Variants in ABCA7 observed in about 807,000 individuals in gnomAD.
ABCA7 encodes the protein ATP binding cassette subfamily A member 7.
Under a neutral mutation model 227.6 loss-of-function variants are expected in ABCA7, and 261 were observed. That is an observed-to-expected ratio of 1.15 (90% CI 1.04 to 1.27). The LOEUF (loss-of-function observed/expected upper bound fraction) is 1.27, where lower values mean the gene tolerates loss of function less well. Ranked by LOEUF, ABCA7 falls within the 50% of genes most tolerant of loss-of-function variation. ABCA7 has a pLI of 0.00. For missense variants in ABCA7, 3,331 were observed against 2,924.5 expected (o/e 1.14, Z -3.21); for synonymous variants, 1,488 against 1,279.7 (o/e 1.16, Z -3.47).
Position 1,052,253 on chromosome 19 carries a change from G to A in ABCA7, c.3187G>A (p.Glu1063Lys), listed in dbSNP as rs758401262. ...GGAGGGCAGTGTGGACACCAGGCAG[G>A]AAAAGAAGAATGGCAGCCAGGGCAG... The part of the protein sequence containing the change: ...DMEGSVDTRQ[E>K]KKNGSQGSRV... The change falls in exon 23 of 47, where the codon GAA (glutamate) becomes AAA (lysine). Residue 1063 changes from glutamate to lysine, a missense_variant. Transcript: ENST00000263094. 135 of 1,552,882 alleles carry A rather than the reference G, an allele frequency of 8.7e-5. No individual in the cohort carries two copies. Among genetic ancestry groups the A allele is most frequent in the South Asian group, 2.4e-4 (20 of 84,816 alleles).
At chr19:1,041,194 G>C (rs2039999891) in intron 1 of ABCA7, 31 bp from the exon 2 acceptor site, 2 of 713,752 alleles carry the variant, frequency 2.8e-6, no homozygotes, top group Non-Finnish European at 4.9e-6. Context: ...CCTCTTTATC[G>C]AGTGACTACT....
rs754392161 is a variant in ABCA7, at chr19:1,058,644, C to T, written c.5176C>T (p.Arg1726Cys). ...AGACAGGCAGTTCCAGTCACCCCTG[C>T]GCTGGGAGGTGGTCGGCAAGAACCT... Reference protein sequence around the residue: ...LGDRQFQSPLRWEVVGKNLLA... With the variant: ...LGDRQFQSPLCWEVVGKNLLA... The change falls in exon 38 of 47, where the codon CGC becomes TGC. Residue 1726 changes from arginine (R) to cysteine (C), a missense_variant. Arg to Cys is a radical substitution (Grantham distance 180). Coordinates refer to ENST00000263094, the MANE Select transcript of ABCA7 (RefSeq NM_019112.4). The T allele has an allele frequency of 3.2e-5, 52 of 1,613,810 alleles. No homozygotes were observed. The highest frequency in any genetic ancestry group is 3.3e-4 in the Middle Eastern group (2 of 6,080).
In ABCA7 at chr19:1,042,341, C is replaced by T. The variant is rs763834831; in HGVS notation, c.442C>T (p.Pro148Ser). ...CCAGCCTCAACCAACCAAGCAGTCT[C>T]CACTGGAACCACCCATGCTGGATGT... ...TAQPQPTKQSPLEPPMLDVAE... is the reference protein window; with the variant it reads ...TAQPQPTKQSSLEPPMLDVAE... Residue 148 changes from proline (P) to serine (S), a missense_variant, in exon 6 of 47, where the codon CCA (proline) becomes TCA (serine). Physicochemically the swap from Pro to Ser is moderately conservative, Grantham distance 74. Transcript: ENST00000263094. The T allele has an allele frequency of 3.8e-6, 6 of 1,591,072 alleles. No homozygotes were observed. The highest frequency in any genetic ancestry group is 3.4e-5 in the Admixed American group (2 of 59,236).
chr19:1,052,052 C>A lies in ABCA7; in HGVS notation c.3073C>A (p.Leu1025Met). 2 of 1,612,332 alleles carry A rather than the reference C, an allele frequency of 1.2e-6. No individual in the cohort carries two copies. Among genetic ancestry groups the A allele is most frequent in the East Asian group, 4.5e-5 (2 of 44,844 alleles). ...RLCCCGSPLF[L>M]RRHLGSGYYL... ...GTGCTGCTGTGGCTCCCCACTCTTC[C>A]TGCGCCGTCACCTGGGCTCCGGCTA... Residue 1025 changes from leucine (L) to methionine (M), a missense_variant, in exon 22 of 47, where the codon CTG (leucine) becomes ATG (methionine). Leu to Met is a conservative substitution (Grantham distance 15, BLOSUM62 2). Coordinates refer to ENST00000263094, the MANE Select transcript of ABCA7 (RefSeq NM_019112.4).
chr19:1,044,942 C>A, intron 11 of ABCA7, 60 bp from the exon 12 acceptor site: 1 of 1,575,596 alleles, frequency 6.3e-7, no homozygotes. Context: ...GGGGGAGGAG[C>A]GGAGTGGTCT....
rs546387100 is a variant in ABCA7, at chr19:1,047,583, T to C, written c.2198T>C (p.Val733Ala). ...PTADVFSLAQVSGLLLLDAAL... is the reference protein window; with the variant it reads ...PTADVFSLAQASGLLLLDAAL... ...GCAGACGTCTTCAGCCTGGCCCAGG[T>C]CTCTGGCCTTCTGCTGCTGGACGCG... Residue 733 changes from valine to alanine, a missense_variant, in exon 16 of 47, where the codon GTC becomes GCC. Val to Ala is a moderately conservative substitution (Grantham distance 64, BLOSUM62 0). Coordinates refer to ENST00000263094, the MANE Select transcript of ABCA7 (RefSeq NM_019112.4). 4.4e-6 allele frequency: 7 copies of C among 1,603,324 alleles called. No individual in the cohort carries two copies. The Admixed American group carries it at 8.3e-5, about 19-fold the overall frequency.
At chr19:1,051,810 G>A (rs1442875943) in intron 21 of ABCA7, 132 bp from the exon 22 acceptor site, 4 of 1,296,160 alleles carry the variant, frequency 3.1e-6, no homozygotes, top group African/African-American at 1.5e-5. Context: ...CCAACAAGGA[G>A]GTTCTGGGGA....
chr19:1,052,698 G>C, intron 23 of ABCA7, among the ~76,000 whole-genome samples: 2 of 131,592 alleles, frequency 1.5e-5, no homozygotes, highest in Non-Finnish European at 1.7e-5. Flanking sequence ...GGAGGGAGAG[G>C]AGGAGGAGGG....
At chr19:1,041,059 G>A in intron 1 of ABCA7, 166 bp from the exon 2 acceptor site, 1 of 484,242 alleles carries the variant, frequency 2.1e-6, no homozygotes, top group South Asian at 2.5e-5. Flanking sequence ...TGGAGGATTA[G>A]AGGATGATCT....
intron 22 of ABCA7, 33 bp downstream of exon 22, chr19:1,052,159 C>A (rs780313474): frequency 6.2e-7 from 1 of 1,609,420 alleles, no homozygotes; most frequent in Admixed American, 1.7e-5. Flanking sequence ...CCCCTGACCC[C>A]CGGGACTCTG....
chr19:1,064,896 G>A lies in ABCA7; in HGVS notation c.6045-35G>A. ...TGAGCTGAGGTGGGACCTGGGAAAG[G>A]CCCGATCCGGTAGCCCTGGCCCCAC... On this transcript the variant is annotated intron_variant, in intron 45 of 46. Coordinates refer to ENST00000263094, the MANE Select transcript of ABCA7 (RefSeq NM_019112.4). 1.9e-6 allele frequency: 3 copies of A among 1,546,260 alleles called. No individual in the cohort carries two copies. The African/African-American group carries it at 4.1e-5, about 21-fold the overall frequency.
At chr19:1,059,110 T>C in intron 40 of ABCA7, 25 bp downstream of exon 40, 2 of 1,607,490 alleles carry the variant, frequency 1.2e-6, no homozygotes, top group Non-Finnish European at 1.7e-6. Flanking sequence ...GGAGGCCAGG[T>C]GCAGGGACAG....
In ABCA7 at chr19:1,055,144, G is replaced by A. The variant is rs1182920733; in HGVS notation, c.3998G>A (p.Ser1333Asn). The A allele has an allele frequency of 6.2e-7, 1 of 1,612,994 alleles. No homozygotes were observed. The highest frequency in any genetic ancestry group is 1.1e-5 in the South Asian group (1 of 91,076). Residue 1333 changes from serine to asparagine, a missense_variant, in exon 30 of 47, where the codon AGT becomes AAT. Transcript: ENST00000263094. ...GCTGAAGTGGCCAAGGTCTTGGCCA[G>A]TGGCAACTGGACCCCAGAGTCTCCA... Reference protein sequence around the residue: ...VPAEVAKVLASGNWTPESPSP... With the variant: ...VPAEVAKVLANGNWTPESPSP...
intron 6 of ABCA7, 166 bp downstream of exon 6, chr19:1,042,563 C>G (rs774294757): frequency 2.9e-6 from 3 of 1,040,636 alleles, no homozygotes; most frequent in African/African-American, 3.2e-5. Context: ...CAGAGTGTGT[C>G]TGACCCAGTG....
At position 1,065,547 on chromosome 19, in the gene ABCA7, G is replaced by C. The variant is rs928973271; in HGVS notation, c.*122G>C. Reference sequence around the variant, plus strand: ...GTGCCCTGGAGAAAATAAAGAGAAGGCTGGAGAGAAGCCGTGGTGGTGAAA... The same window carrying C: ...GTGCCCTGGAGAAAATAAAGAGAAGCCTGGAGAGAAGCCGTGGTGGTGAAA... On this transcript the variant is annotated 3_prime_UTR_variant, in exon 47 of 47. Coordinates refer to ENST00000263094, the MANE Select transcript of ABCA7 (RefSeq NM_019112.4). 7 of 1,227,742 alleles carry C rather than the reference G, an allele frequency of 5.7e-6. No individual in the cohort carries two copies. The highest frequency in any genetic ancestry group is 4.5e-5 in the African/African-American group (3 of 65,984). 76.1% of individuals were successfully genotyped at this position (1,227,742 alleles called of 1,614,324 possible).
intron 42 of ABCA7, 125 bp downstream of exon 42, chr19:1,062,438 C>T: frequency 6.9e-7 from 1 of 1,449,758 alleles, no homozygotes; most frequent in Non-Finnish European, 9.3e-7. Context: ...TGCCCCCAGA[C>T]CGTGCTTCCT....
rs547075650 is a variant in ABCA7, at chr19:1,042,906, C to A, written c.579+80C>A. ...TGCGCCGGGAGGGTCTGGGGCAGCCCGGGCACTTCCCTTGGGTGGGTTTTC... is the reference window on the plus strand; with the variant it reads ...TGCGCCGGGAGGGTCTGGGGCAGCCAGGGCACTTCCCTTGGGTGGGTTTTC... On this transcript the variant is annotated intron_variant, in intron 7 of 46. Coordinates refer to ENST00000263094, the MANE Select transcript of ABCA7 (RefSeq NM_019112.4). 7.9e-6 allele frequency: 12 copies of A among 1,512,732 alleles called. No individual in the cohort carries two copies. The South Asian group carries it at 1.5e-4, about 19-fold the overall frequency. The allele number at this position is 1,512,732 out of a possible 1,614,324, so 93.7% of individuals were successfully genotyped here.
Position 1,054,643 on chromosome 19 carries a change from C to T in ABCA7, c.3800C>T (p.Pro1267Leu), listed in dbSNP as rs146191555. ...SLIVPPFGHYPALRLSPTMYG... is the reference protein window; with the variant it reads ...SLIVPPFGHYLALRLSPTMYG... ...ATCGTGCCTCCTTTCGGGCACTACC[C>T]GGCTCTGCGGCTCAGTCCCACCATG... is the stretch of plus-strand genomic sequence containing the variant. Residue 1267 changes from proline (P) to leucine (L), a missense_variant, in exon 28 of 47, where the codon CCG becomes CTG. By Grantham distance (98) the Pro-to-Leu change is moderately conservative (BLOSUM62 -3). Coordinates refer to ENST00000263094, the MANE Select transcript of ABCA7 (RefSeq NM_019112.4). This position sits in a 1 kb window ranked among gnomAD's most constrained non-coding sequence, Gnocchi z 4.8. 8.7e-5 allele frequency: 140 copies of T among 1,613,262 alleles called. No individual in the cohort carries two copies. Among genetic ancestry groups the T allele is most frequent in the Non-Finnish European group, 1.1e-4 (127 of 1,179,970 alleles).
At chr19:1,064,321 G>T in intron 45 of ABCA7, 68 bp downstream of exon 45, 2 of 1,448,016 alleles carry the variant, frequency 1.4e-6, no homozygotes, top group Non-Finnish European at 9.2e-7. Flanking sequence ...CAGGGGAGAG[G>T]CCAGACGTAG....
Sources: gnomAD v4.1 joint callset for allele counts (sites outside exome capture counted in the v4.1 genomes callset) on GRCh38, gnomAD v4.1.1 for gene constraint, Gnocchi (gnomAD v3.1) non-coding constraint, MANE v1.5 for transcripts, NCBI Gene and HGNC (gene_info 2026-07-23, HGNC 2026-07-21) for gene names.